ADAM18: variants seen among roughly 807,000 people sequenced by gnomAD.
ADAM18 encodes the protein ADAM metallopeptidase domain 18, also known as disintegrin and metalloproteinase domain-containing protein 18.
In ADAM18, 117 loss-of-function variants were observed where a neutral mutation model predicts 94.4. The observed-to-expected ratio is 1.24, with a 90% CI of 1.07 to 1.45. The LOEUF (loss-of-function observed/expected upper bound fraction) is 1.45. ADAM18 is among the 40% of genes most tolerant of loss of function. The pLI is 0.00. For missense variants in ADAM18, 936 were observed against 880.0 expected (o/e 1.06, Z -0.81); for synonymous variants, 327 against 291.6 (o/e 1.12, Z -1.24).
At chr8:39,612,921 C>A (rs955815503) in intron 6 of ADAM18, among the ~76,000 whole-genome samples, 2 of 152,112 alleles carry the variant, frequency 1.3e-5, no homozygotes, top group African/African-American at 4.8e-5. Context: ...CCATAGCCTC[C>A]CCCATTATTT....
chr8:39,637,336 G>A lies in ADAM18; in HGVS notation c.660+1G>A. 1.3e-6 allele frequency: 2 copies of A among 1,595,946 alleles called. No homozygotes were observed. The highest frequency in any genetic ancestry group is 1.7e-6 in the Non-Finnish European group (2 of 1,172,080). ...CCAGGTTATTGGGCTTGTCAACACT[G>A]TAAGTTTTTACTTTTTCACATTTCC... On this transcript the variant is annotated splice_donor_variant, in intron 8 of 19. Coordinates refer to ENST00000265707, the MANE Select transcript of ADAM18 (RefSeq NM_014237.3). LOFTEE classifies it high-confidence loss of function.
intron 12 of ADAM18, among the ~76,000 whole-genome samples, chr8:39,654,183 A>C (rs1348266099): frequency 7.3e-6 from 1 of 136,128 alleles, no homozygotes; most frequent in Non-Finnish European, 1.5e-5. Flanking sequence ...TTGGAGACAG[A>C]GTCTCGCTGA....
At chr8:39,713,105 G>C (rs999901394) in intron 18 of ADAM18, among the ~76,000 whole-genome samples, 2 of 152,004 alleles carry the variant, frequency 1.3e-5, no homozygotes, top group Non-Finnish European at 2.9e-5. Context: ...TAGACCAATG[G>C]AACACAACAG....
Position 39,610,685 on chromosome 8 carries a change from C to G in ADAM18, c.501C>G (p.Tyr167Ter), listed in dbSNP as rs143967659. 6.5e-4 allele frequency: 1,051 copies of G among 1,613,122 alleles called. 2 individuals carry two copies. Among genetic ancestry groups the G allele is most frequent in the Non-Finnish European group, 6.9e-4 (811 of 1,179,482 alleles). ...YSHIWQKDQPYKVPLNSQIKN... is the reference protein window; with the variant it reads ...YSHIWQKDQP Reference sequence around the variant, plus strand: ...ATATTTGGCAGAAAGACCAGCCCTACAAAGTTCCTTTAAACTCACAGGTGA... The same window carrying G: ...ATATTTGGCAGAAAGACCAGCCCTAGAAAGTTCCTTTAAACTCACAGGTGA... Residue 167 changes from tyrosine to a stop codon, truncating the protein, a stop_gained, in exon 6 of 20, where the codon TAC (tyrosine) becomes TAG (stop). Transcript: ENST00000265707. LOFTEE classifies it high-confidence loss of function.
intron 16 of ADAM18, among the ~76,000 whole-genome samples, chr8:39,681,411 T>C (rs1366665343): frequency 6.6e-6 from 1 of 152,174 alleles, no homozygotes; most frequent in East Asian, 1.9e-4. Context: ...TGATTTCAGC[T>C]TGTAAGAAGA....
chr8:39,623,890 C>T (rs900989322), intron 6 of ADAM18, among the ~76,000 whole-genome samples: 4 of 152,162 alleles, frequency 2.6e-5, no homozygotes, highest in African/African-American at 4.8e-5. Flanking sequence ...TTTTAATTTG[C>T]ATTTCCGTGT....
intron 10 of ADAM18, among the ~76,000 whole-genome samples, chr8:39,642,030 C>G (rs1313832328): frequency 6.6e-6 from 1 of 152,120 alleles, no homozygotes; most frequent in Non-Finnish European, 1.5e-5. Context: ...AGCTTTTTCT[C>G]ATATGATTGT....
At chr8:39,657,974 T>C (rs773884160) in intron 12 of ADAM18, among the ~76,000 whole-genome samples, 8 of 152,208 alleles carry the variant, frequency 5.3e-5, no homozygotes, top group African/African-American at 1.2e-4. Flanking sequence ...ATGAGAATTA[T>C]ATTGTATTAT....
intron 8 of ADAM18, 70 bp downstream of exon 8, chr8:39,637,405 G>T: frequency 6.8e-7 from 1 of 1,479,044 alleles, no homozygotes. Context: ...TTCTATCTTG[G>T]CCAATGAATA....
At chr8:39,639,448 C>T (rs925610391) in intron 10 of ADAM18, among the ~76,000 whole-genome samples, 3 of 151,860 alleles carry the variant, frequency 2.0e-5, no homozygotes, top group African/African-American at 7.2e-5. Flanking sequence ...CATTCTTTTA[C>T]CACGTATTTC....
chr8:39,723,845 T>C lies in ADAM18; in HGVS notation c.2115T>C (p.Thr705=). 6.3e-7 allele frequency: 1 copy of C among 1,580,714 alleles called. No homozygotes were observed. The highest frequency in any genetic ancestry group is 8.6e-7 in the Non-Finnish European group (1 of 1,162,316). The change falls in exon 19 of 20, where the codon ACT becomes ACC. Residue 705 remains threonine (T), a synonymous_variant. Transcript: ENST00000265707. ...IFLPFFIVFT[T]VIFKRNEISK... Reference sequence around the variant, plus strand: ...TGCCGTTTTTCATAGTTTTCACCACTGTGATCTTTAAAAGAAATGAAATAA... The same window carrying C: ...TGCCGTTTTTCATAGTTTTCACCACCGTGATCTTTAAAAGAAATGAAATAA...
intron 12 of ADAM18, 66 bp downstream of exon 12, chr8:39,648,593 G>A (rs1820448338): frequency 1.9e-5 from 26 of 1,387,446 alleles, no homozygotes; most frequent in Non-Finnish European, 2.3e-5. Context: ...AGACATGTTT[G>A]TCATGGTATA....
chr8:39,713,403 C>T (rs995707260), intron 18 of ADAM18, among the ~76,000 whole-genome samples: 1 of 152,112 alleles, frequency 6.6e-6, no homozygotes, highest in Non-Finnish European at 1.5e-5. Context: ...GACTAAAACA[C>T]GAAAAGCAAT....
chr8:39,680,462 C>T (rs1437284531), intron 16 of ADAM18, among the ~76,000 whole-genome samples: 3 of 152,074 alleles, frequency 2.0e-5, no homozygotes, highest in East Asian at 1.9e-4. Context: ...ATATTTTAAG[C>T]ACAAGATTTT....
At chr8:39,705,490 T>C (rs1024944863) in intron 17 of ADAM18, among the ~76,000 whole-genome samples, 1 of 152,100 alleles carries the variant, frequency 6.6e-6, no homozygotes, top group Non-Finnish European at 1.5e-5. Flanking sequence ...TTTGAGAAGC[T>C]GATGCAGGAG....
At chr8:39,711,258 A>T (rs1036375582) in intron 18 of ADAM18, among the ~76,000 whole-genome samples, 20 of 152,174 alleles carry the variant, frequency 1.3e-4, no homozygotes, top group African/African-American at 4.8e-4. Context: ...TTCAAAAATC[A>T]AGAAACTGGC....
chr8:39,607,529 T>C (rs1254152096), intron 3 of ADAM18, among the ~76,000 whole-genome samples: 1 of 152,188 alleles, frequency 6.6e-6, no homozygotes, highest in Non-Finnish European at 1.5e-5. Context: ...GAATCATCAG[T>C]GGTCCTCATG....
At chr8:39,702,755 G>A (rs890323888) in intron 17 of ADAM18, among the ~76,000 whole-genome samples, 1 of 152,112 alleles carries the variant, frequency 6.6e-6, no homozygotes, top group African/African-American at 2.4e-5. Flanking sequence ...ACTCCCCATT[G>A]TTTGTTTCTG....
At chr8:39,648,319 C>A in intron 11 of ADAM18, 25 bp from the exon 12 acceptor site, 2 of 1,544,210 alleles carry the variant, frequency 1.3e-6, no homozygotes, top group Non-Finnish European at 8.7e-7. Flanking sequence ...GGCTTATTTG[C>A]CTGAGGAATA....
Sources: gnomAD v4.1 joint callset for allele counts (sites outside exome capture counted in the v4.1 genomes callset) on GRCh38, gnomAD v4.1.1 for gene constraint, MANE v1.5 for transcripts, NCBI Gene and HGNC (gene_info 2026-07-23, HGNC 2026-07-21) for gene names.